Variants in ZBTB40 observed in about 807,000 individuals in gnomAD.
The protein encoded by ZBTB40 is zinc finger and BTB domain-containing protein 40.
A neutral mutation model predicts 117.5 loss-of-function variants in ZBTB40; 60 were observed. The ratio of observed to expected loss-of-function variants is 0.51; its 90% CI spans 0.41 to 0.63. ZBTB40 has a LOEUF of 0.63. Ranked by LOEUF, ZBTB40 falls within the 30% of genes least tolerant of loss-of-function variation. ZBTB40 has a pLI of 0.00. For missense variants in ZBTB40, 1,287 were observed against 1,498.5 expected, an observed-to-expected ratio of 0.86 and a Z score of 2.33; for synonymous variants, 525 against 577.1, an observed-to-expected ratio of 0.91 and a Z score of 1.29.
chr1:22,467,062 G>T (rs1478480906), intron 1 of ZBTB40, among the ~76,000 whole-genome samples: 6 of 151,548 alleles, frequency 4.0e-5, no homozygotes, highest in Non-Finnish European at 7.4e-5. Context: ...TGTCTGCAGG[G>T]TTTTTTTTAA....
intron 17 of ZBTB40, 107 bp downstream of exon 17, chr1:22,524,551 T>G: frequency 7.9e-7 from 1 of 1,265,066 alleles, no homozygotes; most frequent in Non-Finnish European, 1.1e-6. Context: ...GGGGATCTTG[T>G]AGAGAGTCTC....
In ZBTB40 at chr1:22,511,666, T is replaced by C. The variant is rs1200367700; in HGVS notation, c.2003-10T>C. On this transcript the variant is annotated splice_polypyrimidine_tract_variant and intron_variant, in intron 10 of 17. Coordinates refer to ENST00000375647, the MANE Select transcript of ZBTB40 (RefSeq NM_014870.4). ...AGTTCGCAGAGCCACGAGATGTCTC[T>C]TTTATGCAGGTGTCCTTACTAAGGA... The C allele has an allele frequency of 1.2e-6, 2 of 1,610,960 alleles. No individual in the cohort carries two copies. Among genetic ancestry groups the C allele is most frequent in the Non-Finnish European group, 1.7e-6 (2 of 1,179,262 alleles).
At chr1:22,510,658 C>G (rs1339184600) in intron 9 of ZBTB40, among the ~76,000 whole-genome samples, 1 of 152,170 alleles carries the variant, frequency 6.6e-6, no homozygotes, top group African/African-American at 2.4e-5. Context: ...TTTGAACCTT[C>G]TTTAAAACGC....
chr1:22,462,685 C>T (rs1641158567), intron 1 of ZBTB40, among the ~76,000 whole-genome samples: 1 of 152,088 alleles, frequency 6.6e-6, no homozygotes, highest in Non-Finnish European at 1.5e-5. Flanking sequence ...TTTCAAAGTC[C>T]TTTGCATCTT....
In ZBTB40 at chr1:22,463,815, A is replaced by T. The variant is rs1172095228; in HGVS notation, c.-70+11811A>T. On this transcript the variant is annotated intron_variant, in intron 1 of 17. Transcript: ENST00000375647. Reference sequence around the variant, plus strand: ...GCAGTTTGTTACGCTGAACATTTTGATATTTTGCCTCATTGTATTTTGTAG... The same window carrying T: ...GCAGTTTGTTACGCTGAACATTTTGTTATTTTGCCTCATTGTATTTTGTAG... 2.0e-5 allele frequency among the ~76,000 whole-genome samples: 3 copies of T among 152,218 alleles called. No individual in the cohort carries two copies. The East Asian group carries it at 5.8e-4, about 29-fold the overall frequency.
chr1:22,520,757 G>A (rs773557838), intron 14 of ZBTB40, among the ~76,000 whole-genome samples: 2 of 152,218 alleles, frequency 1.3e-5, no homozygotes, highest in African/African-American at 4.8e-5. Context: ...AAAAGAAACT[G>A]CATCTGTCAG....
rs577042927 is a variant in ZBTB40 at position 22,524,458 on chromosome 1, C to G, written c.3525+14C>G. The G allele has an allele frequency of 1.6e-5, 26 of 1,611,104 alleles. No homozygotes were observed. The South Asian group carries it at 2.6e-4, about 16-fold the overall frequency. ...CAGATGGCGCAGGTGATTCTGGGGC[C>G]ATCAGCTACATTAGAATGCTAATGC... is the stretch of plus-strand genomic sequence containing the variant. On this transcript the variant is annotated intron_variant, in intron 17 of 17. Transcript: ENST00000375647.
At chr1:22,452,687 A>G (rs1569759667) in intron 1 of ZBTB40, 1 of 152,372 alleles carries the variant, frequency 6.6e-6, no homozygotes, top group South Asian at 2.1e-4. Context: ...TGCCCTAAAC[A>G]CAAGGAGATT....
rs1011006652 is a variant in ZBTB40 at position 22,512,654 on chromosome 1, A to G, written c.2462-270A>G. The stretch of plus-strand genomic sequence containing the variant: ...TCTGGGTGGCAGGGTCCTATTTAAG[A>G]GAGAGAAGGGAATGGGGAAGATAAG... On this transcript the variant is annotated intron_variant, in intron 11 of 17. Coordinates refer to ENST00000375647, the MANE Select transcript of ZBTB40 (RefSeq NM_014870.4). 9.2e-5 allele frequency among the ~76,000 whole-genome samples: 14 copies of G among 152,328 alleles called. No individual in the cohort carries two copies. In the East Asian group the frequency reaches 2.7e-3, roughly 29 times the overall value.
chr1:22,497,059 G>T (rs920029786), intron 3 of ZBTB40, among the ~76,000 whole-genome samples: 1 of 152,222 alleles, frequency 6.6e-6, no homozygotes, highest in African/African-American at 2.4e-5. Context: ...TCGAGGGCAG[G>T]AAGCATCCAG....
chr1:22,496,674 A>G (rs1201251936), intron 3 of ZBTB40, among the ~76,000 whole-genome samples: 1 of 152,170 alleles, frequency 6.6e-6, no homozygotes, highest in Admixed American at 6.5e-5. Flanking sequence ...CAGGTATGGC[A>G]ACACCATCAT....
intron 1 of ZBTB40, among the ~76,000 whole-genome samples, chr1:22,483,770 A>G (rs925115547): frequency 1.1e-4 from 16 of 152,298 alleles, no homozygotes; most frequent in African/African-American, 3.6e-4. Flanking sequence ...TTCATGGAGC[A>G]AAATTTATTT....
At chr1:22,438,930 T>A (rs1221848854) in intron 1 of ZBTB40, among the ~76,000 whole-genome samples, 1 of 152,144 alleles carries the variant, frequency 6.6e-6, no homozygotes, top group Non-Finnish European at 1.5e-5. Context: ...TGCAGTGGCA[T>A]GATCTCGGCT....
intron 1 of ZBTB40, among the ~76,000 whole-genome samples, chr1:22,454,204 C>G (rs1433689120): frequency 6.6e-6 from 1 of 152,174 alleles, no homozygotes; most frequent in Non-Finnish European, 1.5e-5. Context: ...CTGCCCGCCT[C>G]AGCCTCCCAA....
intron 15 of ZBTB40, 120 bp from the exon 16 acceptor site, chr1:22,522,257 C>T (rs1639546773): frequency 4.4e-6 from 4 of 909,268 alleles, no homozygotes; most frequent in Admixed American, 1.7e-5. Context: ...AGATTCCTGG[C>T]ACTTGGTAGA....
chr1:22,510,672 G>A (rs1213150566), intron 9 of ZBTB40, among the ~76,000 whole-genome samples: 2 of 152,124 alleles, frequency 1.3e-5, no homozygotes, highest in African/African-American at 4.8e-5. Flanking sequence ...AAAACGCTGA[G>A]TTTCTTTGTG....
intron 1 of ZBTB40, among the ~76,000 whole-genome samples, chr1:22,480,938 T>C (rs1638290677): frequency 6.6e-6 from 1 of 152,070 alleles, no homozygotes; most frequent in Non-Finnish European, 1.5e-5. Context: ...TATGCAAGGG[T>C]CTCAGTGCTA....
At chr1:22,466,532 TTC>T (rs1365207043) in intron 1 of ZBTB40, among the ~76,000 whole-genome samples, 1 of 152,174 alleles carries the variant, frequency 6.6e-6, no homozygotes, top group Admixed American at 6.5e-5. Context: ...TTTCTCCATA[TTC>T]TCAGCAACAC....
In ZBTB40 at chr1:22,506,077, C is replaced by T; in HGVS notation, c.1196C>T (p.Thr399Ile). The T allele has an allele frequency of 1.9e-6, 3 of 1,614,128 alleles. No individual in the cohort carries two copies. Among genetic ancestry groups the T allele is most frequent in the Non-Finnish European group, 2.5e-6 (3 of 1,180,012 alleles). Residue 399 changes from threonine to isoleucine, a missense_variant, in exon 6 of 18, where the codon ACA becomes ATA. Thr to Ile is a moderately conservative substitution (Grantham distance 89). Coordinates refer to ENST00000375647, the MANE Select transcript of ZBTB40 (RefSeq NM_014870.4). ...RVILNCCEGR[T>I]PKETIENLLH... ...ATTCTGAATTGCTGTGAGGGCAGAA[C>T]ACCCAAGGAGACAATAGAAAATTTG...
Sources: allele counts gnomAD v4.1 joint callset (sites outside exome capture counted in the v4.1 genomes callset), GRCh38; gene constraint gnomAD v4.1.1; transcripts MANE v1.5; gene names NCBI Gene and HGNC (gene_info 2026-07-23, HGNC 2026-07-21).